The following EYA2 variants were observed in gnomAD, a reference collection of about 807,000 sequenced individuals.
EYA2 encodes EYA transcriptional coactivator and phosphatase 2.
A neutral mutation model predicts 69.2 loss-of-function variants in EYA2; 31 were observed. The observed-to-expected ratio is 0.45, with a 90% CI of 0.34 to 0.60. EYA2 has a LOEUF of 0.60. Ranked by LOEUF, EYA2 falls within the 20% of genes least tolerant of loss-of-function variation. The pLI, the probability that EYA2 is intolerant of heterozygous loss-of-function variation, is 0.02. For synonymous variants in EYA2, 257 were observed against 279.4 expected (o/e 0.92, Z 0.80); for missense variants, 622 against 701.2 (o/e 0.89, Z 1.28).
intron 9 of EYA2, among the ~76,000 whole-genome samples, chr20:47,115,105 T>C (rs2032854195): frequency 6.6e-6 from 1 of 152,248 alleles, no homozygotes; most frequent in African/African-American, 2.4e-5. Flanking sequence ...GGCAAGCAGC[T>C]GAAGGGTCTT....
intron 9 of EYA2, among the ~76,000 whole-genome samples, chr20:47,103,427 A>G (rs1261905298): frequency 1.3e-5 from 2 of 152,162 alleles, no homozygotes; most frequent in Non-Finnish European, 2.9e-5. Flanking sequence ...ATAATTTTCC[A>G]TTGTGTATTA....
intron 1 of EYA2, among the ~76,000 whole-genome samples, chr20:46,980,463 TGTTTA>T (rs1746157951): frequency 1.3e-5 from 2 of 152,208 alleles, no homozygotes; most frequent in African/African-American, 4.8e-5. Flanking sequence ...TTTACAATTT[TGTTTA>T]GTTTTGTTTT....
chr20:46,960,624 G>C (rs900889292), intron 1 of EYA2, among the ~76,000 whole-genome samples: 13 of 152,142 alleles, frequency 8.5e-5, no homozygotes, highest in Non-Finnish European at 1.6e-4. Context: ...ATGTCTCATA[G>C]GCCAAATCCA....
At chr20:47,115,952 A>T (rs1200437649) in intron 9 of EYA2, among the ~76,000 whole-genome samples, 1 of 152,070 alleles carries the variant, frequency 6.6e-6, no homozygotes, top group Non-Finnish European at 1.5e-5. Flanking sequence ...GCCTTTGCAC[A>T]CACTGTTGCT....
rs1286471127 is a variant in EYA2, at chr20:47,187,981, C to T, written c.1537-72C>T. The T allele has an allele frequency of 3.3e-6, 5 of 1,493,854 alleles. No homozygotes were observed. In the Admixed American group the frequency reaches 5.9e-5, roughly 18 times the overall value. The allele number at this position is 1,493,854 out of a possible 1,614,324, so 92.5% of individuals were successfully genotyped here. On this transcript the variant is annotated intron_variant, in intron 15 of 15. Transcript: ENST00000327619. ...TAACTGGGTTGACTTCTCACATGCCCTCTAACCACAGGCGTGGAACCCGGG... is the reference window on the plus strand; with the variant it reads ...TAACTGGGTTGACTTCTCACATGCCTTCTAACCACAGGCGTGGAACCCGGG...
intron 5 of EYA2, among the ~76,000 whole-genome samples, chr20:47,069,860 A>G (rs1233354315): frequency 8.0e-6 from 1 of 125,328 alleles, no homozygotes; most frequent in African/African-American, 3.7e-5. Flanking sequence ...ATACATATAT[A>G]TGCACATATA....
intron 7 of EYA2, among the ~76,000 whole-genome samples, chr20:47,084,604 A>G (rs1329942103): frequency 6.6e-6 from 1 of 152,230 alleles, no homozygotes; most frequent in Non-Finnish European, 1.5e-5. Flanking sequence ...GCCTCACCAA[A>G]GAAGATATAG....
At chr20:46,973,154 G>T (rs968251440) in intron 1 of EYA2, among the ~76,000 whole-genome samples, 1 of 152,276 alleles carries the variant, frequency 6.6e-6, no homozygotes, top group African/African-American at 2.4e-5. Flanking sequence ...CCAGAGCATT[G>T]CTGCCCTCCC....
At chr20:46,918,759 A>T (rs1003883026) in intron 1 of EYA2, among the ~76,000 whole-genome samples, 2 of 152,236 alleles carry the variant, frequency 1.3e-5, no homozygotes, top group African/African-American at 4.8e-5. Context: ...ATGGCATCTT[A>T]GAATGGTGAA....
At chr20:47,035,132 T>A (rs1984623895) in intron 5 of EYA2, among the ~76,000 whole-genome samples, 1 of 152,202 alleles carries the variant, frequency 6.6e-6, no homozygotes, top group Non-Finnish European at 1.5e-5. Context: ...GGTCCCTGGC[T>A]GAGCTGCAAG....
In EYA2 at chr20:46,990,080, C is replaced by T. The variant is rs113025140; in HGVS notation, c.70C>T (p.Arg24Cys). The change falls in exon 2 of 16, where the codon CGT (arginine) becomes TGT (cysteine). Residue 24 changes from arginine (R) to cysteine (C), a missense_variant. Coordinates refer to ENST00000327619, the MANE Select transcript of EYA2 (RefSeq NM_005244.5). ...TTGTCTGGATAAACTGAAGTTTAAC[C>T]GTGCTGACGCTGCTGTGTGGACTCT... ...SDCLDKLKFN[R>C]ADAAVWTLSD... 9.6e-5 allele frequency: 154 copies of T among 1,612,472 alleles called. 1 individual carries two copies. In the African/African-American group the frequency reaches 1.3e-3, roughly 13 times the overall value.
chr20:47,155,103 A>C (rs1475033283), intron 10 of EYA2, among the ~76,000 whole-genome samples: 3 of 151,846 alleles, frequency 2.0e-5, no homozygotes, highest in Non-Finnish European at 4.4e-5. Context: ...TGATCCACCC[A>C]CTTCAGCCTC....
chr20:47,014,664 GT>G (rs1983296648), intron 4 of EYA2, among the ~76,000 whole-genome samples: 2 of 146,374 alleles, frequency 1.4e-5, no homozygotes, highest in African/African-American at 5.1e-5. Flanking sequence ...GTGTGTGTGT[GT>G]GTGTGGTGTG....
At chr20:46,957,123 G>A (rs1466853772) in intron 1 of EYA2, among the ~76,000 whole-genome samples, 2 of 152,166 alleles carry the variant, frequency 1.3e-5, no homozygotes, top group Non-Finnish European at 2.9e-5. Context: ...CTGGTATGTA[G>A]GAAGCACTCA....
chr20:46,987,652 C>A (rs940849669), intron 1 of EYA2, among the ~76,000 whole-genome samples: 2 of 152,070 alleles, frequency 1.3e-5, no homozygotes, highest in African/African-American at 4.8e-5. Context: ...GTGGGGCAAG[C>A]ACAGTGGCTC....
At chr20:47,179,756 T>C (rs776240140) in intron 12 of EYA2, 42 bp from the exon 13 acceptor site, 169 of 1,436,048 alleles carry the variant, frequency 1.2e-4, no homozygotes, top group Non-Finnish European at 1.5e-4. Context: ...CCCCCAGATC[T>C]TTCTAATACG....
intron 10 of EYA2, among the ~76,000 whole-genome samples, chr20:47,151,677 C>T (rs1314868047): frequency 6.6e-6 from 1 of 152,024 alleles, no homozygotes; most frequent in Non-Finnish European, 1.5e-5. Context: ...CGATTCCCCT[C>T]AAAAGGTTAG....
chr20:46,973,414 C>T (rs1269678860), intron 1 of EYA2, among the ~76,000 whole-genome samples: 3 of 152,226 alleles, frequency 2.0e-5, no homozygotes, highest in Middle Eastern at 3.4e-3. Context: ...GTTTAGATTC[C>T]GTATCTTACA....
intron 5 of EYA2, among the ~76,000 whole-genome samples, chr20:47,063,229 C>T (rs2030964751): frequency 6.6e-6 from 1 of 152,082 alleles, no homozygotes; most frequent in African/African-American, 2.4e-5. Context: ...ATACTCCATC[C>T]CCCAGCCCTG....
Sources: gnomAD v4.1 joint callset for allele counts (sites outside exome capture counted in the v4.1 genomes callset) on GRCh38, gnomAD v4.1.1 for gene constraint, MANE v1.5 for transcripts, NCBI Gene and HGNC (gene_info 2026-07-23, HGNC 2026-07-21) for gene names.